The following PIGU variants were observed in gnomAD, a reference collection of about 807,000 sequenced individuals.
The protein encoded by PIGU is phosphatidylinositol glycan anchor biosynthesis class U.
In PIGU, 24 loss-of-function variants were observed where a neutral mutation model predicts 49.9. The observed-to-expected ratio is 0.48, with a 90% CI of 0.35 to 0.68. The LOEUF is 0.68. Among genes scored for constraint, PIGU ranks in the 30% least tolerant of loss-of-function variants. PIGU has a pLI of 0.01. For missense variants in PIGU, 490 were observed against 532.6 expected, an observed-to-expected ratio of 0.92 and a Z score of 0.79; for synonymous variants, 220 against 205.7, an observed-to-expected ratio of 1.07 and a Z score of -0.59.
chr20:34,629,718 G>A lies in PIGU; in HGVS notation c.529+4897C>T, dbSNP rs1985628657. Among the ~76,000 whole-genome samples, 3 of 152,230 alleles carry A rather than the reference G, an allele frequency of 2.0e-5. No individual in the cohort carries two copies. In the South Asian group the frequency reaches 6.2e-4, roughly 32 times the overall value. On this transcript the variant is annotated intron_variant, in intron 6 of 11. Coordinates refer to ENST00000217446, the MANE Select transcript of PIGU (RefSeq NM_080476.5). Reference sequence around the variant, plus strand: ...TTGATACAAGATTTAAAAGTCTGGAGGGAAAAATGTTGGAAAAATCTGGAA... The same window carrying A: ...TTGATACAAGATTTAAAAGTCTGGAAGGAAAAATGTTGGAAAAATCTGGAA...
At chr20:34,624,885 A>T (rs1380060909) in intron 6 of PIGU, among the ~76,000 whole-genome samples, 3 of 152,148 alleles carry the variant, frequency 2.0e-5, no homozygotes, top group Non-Finnish European at 4.4e-5. Flanking sequence ...GCTGCCACAA[A>T]GGAAGCCAGG....
chr20:34,649,897 G>A (rs1237444254), intron 2 of PIGU, among the ~76,000 whole-genome samples: 2 of 140,032 alleles, frequency 1.4e-5, no homozygotes, highest in Admixed American at 1.5e-4. Context: ...CACCCAGGCT[G>A]GAGTGCAGTG....
chr20:34,612,486 A>G (rs1487610240), intron 7 of PIGU, among the ~76,000 whole-genome samples: 5 of 152,110 alleles, frequency 3.3e-5, no homozygotes, highest in Non-Finnish European at 5.9e-5. Context: ...CCTATGTAAC[A>G]AACCTGCGCA....
intron 2 of PIGU, 112 bp from the exon 3 acceptor site, chr20:34,645,446 T>C: frequency 7.6e-7 from 1 of 1,315,738 alleles, no homozygotes; most frequent in South Asian, 2.1e-5. Flanking sequence ...ATTATGCTAG[T>C]ATTCTCCTTC....
intron 7 of PIGU, 30 bp from the exon 8 acceptor site, chr20:34,588,637 A>C (rs1209583864): frequency 1.3e-6 from 2 of 1,599,392 alleles, no homozygotes; most frequent in East Asian, 2.2e-5. Context: ...ATATAAACTT[A>C]GGGATGTAAA....
intron 7 of PIGU, among the ~76,000 whole-genome samples, chr20:34,599,851 C>G (rs1198157937): frequency 6.6e-6 from 1 of 152,158 alleles, no homozygotes; most frequent in Non-Finnish European, 1.5e-5. Context: ...ACACACATAG[C>G]TCTACTCTGA....
intron 6 of PIGU, among the ~76,000 whole-genome samples, chr20:34,627,866 T>C (rs1600641077): frequency 6.6e-6 from 1 of 152,320 alleles, no homozygotes; most frequent in Middle Eastern, 3.4e-3. Context: ...TTAAGAGTTA[T>C]TTCTGACAAA....
intron 1 of PIGU, among the ~76,000 whole-genome samples, chr20:34,661,710 C>A (rs192657465): frequency 1.3e-5 from 2 of 152,198 alleles, no homozygotes; most frequent in Admixed American, 1.3e-4. Context: ...AGAACAATTT[C>A]TATTCCTTTA....
At chr20:34,608,130 A>C (rs1298363048) in intron 7 of PIGU, among the ~76,000 whole-genome samples, 1 of 143,378 alleles carries the variant, frequency 7.0e-6, no homozygotes, top group Non-Finnish European at 1.5e-5. Flanking sequence ...GCTGGAGTGC[A>C]GTGGTGCGAT....
At chr20:34,665,397 G>C (rs955832782) in intron 1 of PIGU, among the ~76,000 whole-genome samples, 2 of 150,978 alleles carry the variant, frequency 1.3e-5, no homozygotes, top group Non-Finnish European at 1.5e-5. Flanking sequence ...TAGAGACGGG[G>C]TTTCACCTTG....
intron 1 of PIGU, among the ~76,000 whole-genome samples, chr20:34,673,492 T>A (rs1038635663): frequency 2.6e-5 from 4 of 152,174 alleles, no homozygotes; most frequent in Non-Finnish European, 5.9e-5. Flanking sequence ...CAAATCTCTC[T>A]CTCTTTCTAG....
rs1055067864 is a variant in PIGU at position 34,665,243 on chromosome 20, G to A, written c.131-7999C>T. Among the ~76,000 whole-genome samples, 44 of 112,344 alleles carry A rather than the reference G, an allele frequency of 3.9e-4. No homozygotes were observed. The East Asian group carries it at 0.01, about 27-fold the overall frequency. 73.7% of individuals were successfully genotyped at this position (112,344 alleles called of 152,430 possible). On this transcript the variant is annotated intron_variant, in intron 1 of 11. Transcript: ENST00000217446. Reference sequence around the variant, plus strand: ...TTTTGAGACTGAGTCTCGCTCTGTCGCCCAGGCTGGAGTGCAGTGGCGCGA... The same window carrying A: ...TTTTGAGACTGAGTCTCGCTCTGTCACCCAGGCTGGAGTGCAGTGGCGCGA...
At position 34,668,477 on chromosome 20, in the gene PIGU, AAAAAAAG is replaced by A. The variant is rs1347481466; in HGVS notation, c.130+8472_130+8478del. 4.2e-4 allele frequency among the ~76,000 whole-genome samples: 50 copies of A among 119,174 alleles called. 1 individual carries two copies. The highest frequency in any genetic ancestry group is 1.8e-3 in the African/African-American group (50 of 28,150). 78.2% of individuals were successfully genotyped at this position (119,174 alleles called of 152,430 possible). Reference sequence around the variant, plus strand: ...ACTCCGTCTCAAAAAAAAAAAAAAAAAAAAAAGGGGGGGGCGGGCGTGCTGGCTCACA... The same window carrying A: ...ACTCCGTCTCAAAAAAAAAAAAAAAAGGGGGGGCGGGCGTGCTGGCTCACA... On this transcript the variant is annotated intron_variant, in intron 1 of 11. Coordinates refer to ENST00000217446, the MANE Select transcript of PIGU (RefSeq NM_080476.5).
chr20:34,647,989 C>G (rs926414090), intron 2 of PIGU, among the ~76,000 whole-genome samples: 1 of 152,032 alleles, frequency 6.6e-6, no homozygotes, highest in Non-Finnish European at 1.5e-5. Flanking sequence ...GTGGCTCATG[C>G]CTATAATCTC....
At chr20:34,642,019 C>T (rs1307577614) in intron 4 of PIGU, among the ~76,000 whole-genome samples, 2 of 152,154 alleles carry the variant, frequency 1.3e-5, no homozygotes, top group Admixed American at 6.6e-5. Flanking sequence ...GGCTTTCTCT[C>T]TCCCTCTTTA....
chr20:34,568,389 C>T (rs571301334), intron 11 of PIGU, among the ~76,000 whole-genome samples: 10 of 152,314 alleles, frequency 6.6e-5, no homozygotes, highest in East Asian at 5.8e-4. Flanking sequence ...AAAGTAAACA[C>T]GCACATCCAG....
chr20:34,618,992 T>C (rs1053491738), intron 6 of PIGU, among the ~76,000 whole-genome samples: 3 of 152,190 alleles, frequency 2.0e-5, no homozygotes, highest in African/African-American at 7.2e-5. Flanking sequence ...CGGTTATAAA[T>C]GTGACAATGT....
intron 1 of PIGU, among the ~76,000 whole-genome samples, chr20:34,676,691 T>TG (rs1419315350): frequency 6.6e-6 from 1 of 152,112 alleles, no homozygotes; most frequent in Non-Finnish European, 1.5e-5. Flanking sequence ...GGACACTGAA[T>TG]GGGACACGCC....
Position 34,588,579 on chromosome 20 carries a change from C to T in PIGU, c.656G>A (p.Ser219Asn). The T allele has an allele frequency of 6.2e-7, 1 of 1,613,996 alleles. No homozygotes were observed. Among genetic ancestry groups the T allele is most frequent in the Non-Finnish European group, 8.5e-7 (1 of 1,179,948 alleles). Reference sequence around the variant, plus strand: ...CCAAGAAAAGATCCAGAAGGCTTTGCTCTTCATTTTCACAGGTATGTACTG... The same window carrying T: ...CCAAGAAAAGATCCAGAAGGCTTTGTTCTTCATTTTCACAGGTATGTACTG... ...QRQYIPVKMK[S>N]KAFWIFSWEY... The change falls in exon 8 of 12, where the codon AGC becomes AAC. Residue 219 changes from serine (S) to asparagine (N), a missense_variant. Physicochemically the swap from Ser to Asn is conservative, Grantham distance 46 (BLOSUM62 1). Transcript: ENST00000217446.
Sources: gnomAD v4.1 joint callset for allele counts (sites outside exome capture counted in the v4.1 genomes callset) on GRCh38, gnomAD v4.1.1 for gene constraint, MANE v1.5 for transcripts, NCBI Gene and HGNC (gene_info 2026-07-23, HGNC 2026-07-21) for gene names.